CCDC38: variants seen among roughly 807,000 people sequenced by gnomAD.
CCDC38 encodes the protein coiled-coil domain-containing protein 38.
CCDC38 carries 69 observed loss-of-function variants against 72.8 expected under a neutral mutation model. The observed-to-expected ratio is 0.95, with a 90% CI of 0.78 to 1.16. The LOEUF (loss-of-function observed/expected upper bound fraction) is 1.16. Among genes scored for constraint, CCDC38 ranks in the 50% most tolerant of loss-of-function variants. The probability of loss-of-function intolerance (pLI) is 0.00; values close to 1 mark genes in which losing one functional copy is unlikely to be tolerated. For synonymous variants in CCDC38, 201 were observed against 213.2 expected, an observed-to-expected ratio of 0.94 and a Z score of 0.50; for missense variants, 626 against 638.9, an observed-to-expected ratio of 0.98 and a Z score of 0.22.
At position 95,874,537 on chromosome 12, in the gene CCDC38, G is replaced by T. The variant is rs138762823; in HGVS notation, c.1279-2077C>A. 4.9e-4 allele frequency among the ~76,000 whole-genome samples: 75 copies of T among 152,216 alleles called. 1 individual carries two copies. In the East Asian group the frequency reaches 8.3e-3, roughly 17 times the overall value. Reference sequence around the variant, plus strand: ...TGAAGGTAATTCACATATGAAAAAGGGATTGAGAGCCTGGCCTGACAAAGC... The same window carrying T: ...TGAAGGTAATTCACATATGAAAAAGTGATTGAGAGCCTGGCCTGACAAAGC... On this transcript the variant is annotated intron_variant, in intron 13 of 15. Transcript: ENST00000344280.
rs372345997 is a variant in CCDC38 at position 95,918,995 on chromosome 12, T to C, written c.38-19A>G. ...ACTTTACCTGTTAAAAAAGAAAGAA[T>C]GAATGAATGAATTCTGTCATCCTTC... On this transcript the variant is annotated intron_variant, in intron 2 of 15. Transcript: ENST00000344280. The C allele has an allele frequency of 6.4e-6, 9 of 1,416,778 alleles. No individual in the cohort carries two copies. The highest frequency in any genetic ancestry group is 1.7e-5 in the Admixed American group (1 of 59,170). 87.8% of individuals were successfully genotyped at this position (1,416,778 alleles called of 1,614,324 possible).
intron 2 of CCDC38, among the ~76,000 whole-genome samples, chr12:95,927,485 T>C (rs1187982406): frequency 6.6e-6 from 1 of 151,250 alleles, no homozygotes; most frequent in Non-Finnish European, 1.5e-5. Flanking sequence ...GTCTTGACTC[T>C]TTATCCAATT....
chr12:95,877,146 G>A (rs2079644561), intron 13 of CCDC38, among the ~76,000 whole-genome samples: 1 of 152,160 alleles, frequency 6.6e-6, no homozygotes, highest in Non-Finnish European at 1.5e-5. Context: ...GATTTAGCAG[G>A]AGACAAGATA....
chr12:95,880,220 A>T (rs1291097967), intron 11 of CCDC38, among the ~76,000 whole-genome samples: 1 of 152,186 alleles, frequency 6.6e-6, no homozygotes, highest in Admixed American at 6.5e-5. Context: ...ACATTTTTTT[A>T]AAAAATTACT....
At chr12:95,923,217 C>A (rs112761017) in intron 2 of CCDC38, among the ~76,000 whole-genome samples, 2 of 152,086 alleles carry the variant, frequency 1.3e-5, no homozygotes, top group African/African-American at 4.8e-5. Flanking sequence ...GGGTCTCCAG[C>A]GTATAGATGG....
At chr12:95,934,611 A>G (rs933705517) in intron 2 of CCDC38, 1 of 151,902 alleles carries the variant, frequency 6.6e-6, no homozygotes, top group Non-Finnish European at 1.5e-5. Context: ...TCCAATCCAT[A>G]CTAGTCTAAT....
chr12:95,891,887 T>C (rs1473274547), intron 8 of CCDC38, among the ~76,000 whole-genome samples: 1 of 152,104 alleles, frequency 6.6e-6, no homozygotes, highest in Non-Finnish European at 1.5e-5. Context: ...AGAAAGCAAA[T>C]TCCCCCTGAT....
intron 8 of CCDC38, among the ~76,000 whole-genome samples, chr12:95,893,893 A>T (rs2079857626): frequency 6.6e-6 from 1 of 152,076 alleles, no homozygotes; most frequent in African/African-American, 2.4e-5. Flanking sequence ...TAGCATACAT[A>T]AAAATATGTT....
chr12:95,943,048 A>G (rs1005168907), upstream of CCDC38: 2 of 194,636 alleles, frequency 1.0e-5, no homozygotes, highest in African/African-American at 2.4e-5. Flanking sequence ...GCGCTTCCAC[A>G]TACCACGTGA....
At chr12:95,888,550 G>C in intron 9 of CCDC38, 44 bp from the exon 10 acceptor site, 3 of 1,586,580 alleles carry the variant, frequency 1.9e-6, no homozygotes, top group Non-Finnish European at 2.6e-6. Context: ...GGTGATGGTG[G>C]AGTGAAAAGA....
rs1313741463 is a variant in CCDC38, at chr12:95,869,631, T to C, written c.1485-58A>G. On this transcript the variant is annotated intron_variant, in intron 14 of 15. Transcript: ENST00000344280. Reference sequence around the variant, plus strand: ...TATAAATCACATTGAGTAAGAAAAGTACATTACTATTTGTTAATGAGCCAT... The same window carrying C: ...TATAAATCACATTGAGTAAGAAAAGCACATTACTATTTGTTAATGAGCCAT... 2.4e-5 allele frequency: 31 copies of C among 1,282,082 alleles called. 1 individual carries two copies. The highest frequency in any genetic ancestry group is 3.5e-5 in the Admixed American group (2 of 56,530). 79.4% of individuals were successfully genotyped at this position (1,282,082 alleles called of 1,614,324 possible).
intron 15 of CCDC38, among the ~76,000 whole-genome samples, 158 bp from the exon 16 acceptor site, chr12:95,867,347 T>C (rs536249786): frequency 3.9e-5 from 6 of 152,186 alleles, no homozygotes; most frequent in Non-Finnish European, 5.9e-5. Flanking sequence ...ACCTAACGGA[T>C]GTCTAACATG....
chr12:95,939,316 A>G (rs1487717299), intron 1 of CCDC38, among the ~76,000 whole-genome samples: 1 of 152,254 alleles, frequency 6.6e-6, no homozygotes, highest in African/African-American at 2.4e-5. Context: ...CAAGAAGTCC[A>G]AGATCACGAG....
intron 4 of CCDC38, among the ~76,000 whole-genome samples, chr12:95,912,577 T>A (rs1000161249): frequency 3.9e-5 from 6 of 152,106 alleles, no homozygotes; most frequent in African/African-American, 1.4e-4. Context: ...TAGCAATAGT[T>A]TGTTACATAT....
chr12:95,909,531 A>T (rs1447088247), intron 4 of CCDC38, among the ~76,000 whole-genome samples: 3 of 152,206 alleles, frequency 2.0e-5, no homozygotes, highest in Non-Finnish European at 4.4e-5. Flanking sequence ...AAGAGAAGGG[A>T]TTCCTCCCTA....
intron 5 of CCDC38, among the ~76,000 whole-genome samples, chr12:95,899,723 C>A (rs2079930959): frequency 6.6e-6 from 1 of 152,154 alleles, no homozygotes; most frequent in Admixed American, 6.5e-5. Flanking sequence ...AATAATTAGA[C>A]CCTCCAAGTT....
At chr12:95,890,094 C>A (rs1198640546) in intron 9 of CCDC38, among the ~76,000 whole-genome samples, 1 of 151,840 alleles carries the variant, frequency 6.6e-6, no homozygotes, top group Non-Finnish European at 1.5e-5. Flanking sequence ...GTATTTTTGG[C>A]AGATATGGGT....
rs150729529 is a variant in CCDC38 at position 95,915,667 on chromosome 12, G to T, written c.304+1462C>A. Among the ~76,000 whole-genome samples the T allele has an allele frequency of 2.8e-3, 419 of 152,292 alleles. 1 individual carries two copies. The highest frequency in any genetic ancestry group is 9.1e-3 in the African/African-American group (379 of 41,578). On this transcript the variant is annotated intron_variant, in intron 4 of 15. Transcript: ENST00000344280. Reference sequence around the variant, plus strand: ...AGGAGTAAGGTTTTCACTCAAATCAGCTCCTGATTGGAAATACAGTCTGAG... The same window carrying T: ...AGGAGTAAGGTTTTCACTCAAATCATCTCCTGATTGGAAATACAGTCTGAG...
intron 10 of CCDC38, among the ~76,000 whole-genome samples, chr12:95,886,752 A>G (rs1165654631): frequency 6.6e-6 from 1 of 152,260 alleles, no homozygotes; most frequent in East Asian, 1.9e-4. Context: ...ATTAATACCT[A>G]CCAGAATAGT....
Sources: allele counts gnomAD v4.1 joint callset (sites outside exome capture counted in the v4.1 genomes callset), GRCh38; gene constraint gnomAD v4.1.1; transcripts MANE v1.5; gene names NCBI Gene and HGNC (gene_info 2026-07-23, HGNC 2026-07-21).